TRHDE: variants seen among roughly 807,000 people sequenced by gnomAD.
The protein encoded by TRHDE is thyrotropin releasing hormone degrading enzyme, also known as thyrotropin-releasing hormone-degrading ectoenzyme.
In TRHDE, 72 loss-of-function variants were observed where a neutral mutation model predicts 125.7. That is an observed-to-expected ratio of 0.57 (90% CI 0.47 to 0.70). The LOEUF (loss-of-function observed/expected upper bound fraction) is 0.70, where lower values mean the gene tolerates loss of function less well. TRHDE is among the 30% of genes least tolerant of loss of function. The pLI, the probability that TRHDE is intolerant of heterozygous loss-of-function variation, is 0.00. For synonymous variants in TRHDE, 509 were observed against 509.1 expected (o/e 1.00, Z 0.00); for missense variants, 1,110 against 1,327.1 (o/e 0.84, Z 2.54).
At chr12:72,093,198 C>G (rs1874832926) in intron 1 of TRHDE, among the ~76,000 whole-genome samples, 1 of 152,158 alleles carries the variant, frequency 6.6e-6, no homozygotes, top group Admixed American at 6.5e-5. Flanking sequence ...TGCTGATAGC[C>G]TATGGTTTCT....
chr12:72,142,853 G>A (rs1204468337), intron 2 of TRHDE, among the ~76,000 whole-genome samples: 3 of 151,966 alleles, frequency 2.0e-5, no homozygotes, highest in Middle Eastern at 3.4e-3. Context: ...CAAGGGGAAG[G>A]TCATCTTCCC....
chr12:72,274,218 G>A (rs1879390479), intron 1 of TRHDE, among the ~76,000 whole-genome samples: 1 of 152,206 alleles, frequency 6.6e-6, no homozygotes, highest in Non-Finnish European at 1.5e-5. Flanking sequence ...GGCCTCGCGG[G>A]CGCTGCCAGC....
chr12:72,632,619 A>AT (rs1166287357), intron 15 of TRHDE, among the ~76,000 whole-genome samples: 1 of 151,368 alleles, frequency 6.6e-6, no homozygotes, highest in African/African-American at 2.4e-5. Flanking sequence ...CCTATAAAGC[A>AT]TTTTTTAACT....
At chr12:72,195,640 AC>A (rs1364428867) in intron 2 of TRHDE, among the ~76,000 whole-genome samples, 11 of 151,960 alleles carry the variant, frequency 7.2e-5, no homozygotes, top group Non-Finnish European at 1.6e-4. Flanking sequence ...TGGATATTAA[AC>A]TTTTGTCAGA....
At chr12:72,364,535 G>A (rs930944958) in intron 2 of TRHDE, among the ~76,000 whole-genome samples, 2 of 151,996 alleles carry the variant, frequency 1.3e-5, no homozygotes, top group African/African-American at 4.8e-5. Context: ...TCAGCACCTA[G>A]GATAAGTCCT....
At chr12:72,117,406 T>C (rs1338866167) in intron 2 of TRHDE, among the ~76,000 whole-genome samples, 1 of 152,188 alleles carries the variant, frequency 6.6e-6, no homozygotes, top group African/African-American at 2.4e-5. Context: ...AATTTATTTC[T>C]GGATTCTCTA....
At chr12:72,146,725 C>T (rs191145407) in intron 2 of TRHDE, among the ~76,000 whole-genome samples, 1 of 152,324 alleles carries the variant, frequency 6.6e-6, no homozygotes, top group East Asian at 1.9e-4. Context: ...CTTTGCCGTC[C>T]GCAGACGGCT....
At chr12:72,142,414 A>G (rs1876132385) in intron 2 of TRHDE, among the ~76,000 whole-genome samples, 3 of 152,110 alleles carry the variant, frequency 2.0e-5, no homozygotes, top group African/African-American at 7.2e-5. Context: ...TCTTCTAAGG[A>G]GGCAAGGGCT....
rs150277435 is a variant in TRHDE at position 72,343,724 on chromosome 12, G to T, written c.1189-34271G>T. 9.9e-4 allele frequency among the ~76,000 whole-genome samples: 150 copies of T among 152,158 alleles called. 1 individual carries two copies. In the Middle Eastern group the frequency reaches 0.01, roughly 10 times the overall value. On this transcript the variant is annotated intron_variant, in intron 2 of 18. Coordinates refer to ENST00000261180, the MANE Select transcript of TRHDE (RefSeq NM_013381.3). ...TATATGATTTTTGAAGTGAAAAAAA[G>T]AATTGACTGTAGATAGAGTAATGTG...
chr12:72,211,289 G>A (rs991198290), intron 2 of TRHDE, among the ~76,000 whole-genome samples: 1 of 152,060 alleles, frequency 6.6e-6, no homozygotes, highest in Non-Finnish European at 1.5e-5. Flanking sequence ...GAGGATGAAG[G>A]GCTTCATAGT....
chr12:72,612,702 C>T (rs1872677864), intron 12 of TRHDE, among the ~76,000 whole-genome samples: 6 of 152,174 alleles, frequency 3.9e-5, no homozygotes. Flanking sequence ...AACTGGTATA[C>T]ATTAAGTCCT....
intron 12 of TRHDE, among the ~76,000 whole-genome samples, chr12:72,601,666 C>T (rs1872212731): frequency 6.6e-6 from 1 of 152,080 alleles, no homozygotes; most frequent in African/African-American, 2.4e-5. Flanking sequence ...CACTATTATT[C>T]AGCAAGACAC....
At position 72,502,868 on chromosome 12, in the gene TRHDE, A is replaced by C. The variant is rs79452027; in HGVS notation, c.1722+3233A>C. ...AAATAATTTTCAAATGTGAATATGGAGAAATGAGGGTTAAAACATTGAGGC... is the reference window on the plus strand; with the variant it reads ...AAATAATTTTCAAATGTGAATATGGCGAAATGAGGGTTAAAACATTGAGGC... On this transcript the variant is annotated intron_variant, in intron 6 of 18. Transcript: ENST00000261180. Among the ~76,000 whole-genome samples, 350 of 152,286 alleles carry C rather than the reference A, an allele frequency of 2.3e-3. 3 individuals are homozygous for C. The highest frequency in any genetic ancestry group is 7.8e-3 in the African/African-American group (326 of 41,578).
At chr12:72,154,494 G>A (rs995436361) in intron 2 of TRHDE, among the ~76,000 whole-genome samples, 1 of 152,174 alleles carries the variant, frequency 6.6e-6, no homozygotes, top group African/African-American at 2.4e-5. Flanking sequence ...TAGCCTCGAT[G>A]GTCTTTACAA....
chr12:72,303,465 G>C (rs1868292375), intron 2 of TRHDE, among the ~76,000 whole-genome samples: 1 of 152,090 alleles, frequency 6.6e-6, no homozygotes, highest in South Asian at 2.1e-4. Context: ...CCCTACAGCA[G>C]TGGCTCTTAA....
At chr12:72,542,432 CA>C in intron 7 of TRHDE, 76 bp downstream of exon 7, 1 of 1,245,186 alleles carries the variant, frequency 8.0e-7, no homozygotes, top group East Asian at 2.4e-5. Flanking sequence ...ATGGCTAATA[CA>C]AAATTGCTGA....
At chr12:72,619,703 A>C (rs946232199) in intron 13 of TRHDE, among the ~76,000 whole-genome samples, 5 of 152,250 alleles carry the variant, frequency 3.3e-5, no homozygotes, top group Middle Eastern at 3.4e-3. Flanking sequence ...ACTGCTCATG[A>C]GCCTTTTGAT....
At chr12:72,378,217 C>A in intron 3 of TRHDE, 96 bp downstream of exon 3, 1 of 1,187,334 alleles carries the variant, frequency 8.4e-7, no homozygotes, top group Non-Finnish European at 1.1e-6. Context: ...CATGAAAATT[C>A]TGAGATTTAT....
intron 5 of TRHDE, among the ~76,000 whole-genome samples, chr12:72,493,806 C>G (rs1182136140): frequency 6.6e-6 from 1 of 151,966 alleles, no homozygotes; most frequent in East Asian, 1.9e-4. Flanking sequence ...CCAGAATGCC[C>G]TTTTCTGCCA....
Sources: gnomAD v4.1 joint callset for allele counts (sites outside exome capture counted in the v4.1 genomes callset) on GRCh38, gnomAD v4.1.1 for gene constraint, MANE v1.5 for transcripts, NCBI Gene and HGNC (gene_info 2026-07-23, HGNC 2026-07-21) for gene names.